OR1B1: variants seen among roughly 807,000 people sequenced by gnomAD.
The protein encoded by OR1B1 is olfactory receptor family 1 subfamily B member 1.
For missense variants in OR1B1, 414 were observed against 402.1 expected, an observed-to-expected ratio of 1.03 and a Z score of -0.25; for synonymous variants, 168 against 156.2, an observed-to-expected ratio of 1.08 and a Z score of -0.57.
chr9:122,628,285 A>T (rs1830159198), downstream of OR1B1, among the ~76,000 whole-genome samples: 1 of 152,212 alleles, frequency 6.6e-6, no homozygotes, highest in African/African-American at 2.4e-5. Context: ...ATATTCCCTC[A>T]GAACTCTAAA....
At chr9:122,647,482 C>T in the OR1B1 span, among the ~76,000 whole-genome samples, 12 of 151,844 alleles carry the variant, frequency 7.9e-5, no homozygotes, top group Admixed American at 7.2e-4. Context: ...CCTAATGATG[C>T]ATCTTAAAGA....
chr9:122,628,860 G>C (rs111620695), exon 1 of OR1B1: 5 of 1,613,918 alleles, frequency 3.1e-6, no homozygotes, highest in Non-Finnish European at 4.2e-6. Flanking sequence ...GCCCCAATTC[G>C]GACATAAGAG....
At chr9:122,641,998 G>A in the OR1B1 span, among the ~76,000 whole-genome samples, 2 of 152,078 alleles carry the variant, frequency 1.3e-5, no homozygotes, top group Non-Finnish European at 2.9e-5. Context: ...AGATTTTCAG[G>A]AAAAGAAGAA....
At chr9:122,648,000 G>A in the OR1B1 span, among the ~76,000 whole-genome samples, 2 of 151,926 alleles carry the variant, frequency 1.3e-5, no homozygotes, top group Non-Finnish European at 2.9e-5. Context: ...TTCACAATCA[G>A]TTAGCTAATG....
chr9:122,632,670 T>C (rs1366692356), upstream of OR1B1, among the ~76,000 whole-genome samples: 1 of 152,148 alleles, frequency 6.6e-6, no homozygotes, highest in Non-Finnish European at 1.5e-5. Flanking sequence ...GAACATTCAA[T>C]GTTTGGTTTT....
chr9:122,628,716 G>C, exon 1 of OR1B1: 1 of 1,613,768 alleles, frequency 6.2e-7, no homozygotes, highest in South Asian at 1.1e-5. Flanking sequence ...TCCTGATACT[G>C]AGAGTTCTGG....
At chr9:122,657,427 G>A in the OR1B1 span, among the ~76,000 whole-genome samples, 1 of 152,176 alleles carries the variant, frequency 6.6e-6, no homozygotes, top group Non-Finnish European at 1.5e-5. Context: ...TGACGCTACA[G>A]TCCATGTTGT....
chr9:122,629,244 G>A lies in OR1B1; in HGVS notation c.292C>T (p.Arg98Cys), dbSNP rs140947515. Residue 98 changes from arginine (R) to cysteine (C), a missense_variant, in exon 1 of 1, where the codon CGC becomes TGC. Physicochemically the swap from Arg to Cys is radical, Grantham distance 180. Coordinates refer to ENST00000623530, the Ensembl canonical transcript of OR1B1. ...AAGAAAAAGAACTGAGCCAAGCAGC[G>A]GGCAGCAGGAATGGTTGGGTAATGA... The A allele has an allele frequency of 1.0e-4, 162 of 1,613,918 alleles. 1 individual carries two copies. The Middle Eastern group carries it at 1.3e-3, about 13-fold the overall frequency.
At chr9:122,631,760 C>A (rs913967017), upstream of OR1B1, among the ~76,000 whole-genome samples, 1 of 152,002 alleles carries the variant, frequency 6.6e-6, no homozygotes, top group South Asian at 2.1e-4. Context: ...ACTCAAAAGG[C>A]TAAACTTTCA....
chr9:122,628,641 G>A, exon 1 of OR1B1: 1 of 1,613,986 alleles, frequency 6.2e-7, no homozygotes, highest in South Asian at 1.1e-5. Flanking sequence ...TCCTTATTGT[G>A]GAGGCTATAC....
chr9:122,634,352 AAAG>A (rs1280738375), upstream of OR1B1, among the ~76,000 whole-genome samples: 1 of 151,548 alleles, frequency 6.6e-6, no homozygotes. Context: ...AAAAAAAAGA[AAAG>A]AAAAAACAGA....
chr9:122,643,252 C>T, the OR1B1 span, among the ~76,000 whole-genome samples: 1 of 152,126 alleles, frequency 6.6e-6, no homozygotes, highest in Non-Finnish European at 1.5e-5. Flanking sequence ...CCCTCCCTGA[C>T]CCCCCAACAG....
At chr9:122,644,357 GGAA>G in the OR1B1 span, among the ~76,000 whole-genome samples, 4 of 152,244 alleles carry the variant, frequency 2.6e-5, no homozygotes, top group African/African-American at 7.2e-5. Context: ...GGTGGCCACA[GGAA>G]GAAGTTCCTC....
upstream of OR1B1, among the ~76,000 whole-genome samples, chr9:122,631,250 C>A (rs143234506): frequency 6.6e-6 from 1 of 151,802 alleles, no homozygotes; most frequent in Admixed American, 6.6e-5. Context: ...GATCTCGGCT[C>A]ACTGCAAGCT....
chr9:122,643,985 G>A, the OR1B1 span, among the ~76,000 whole-genome samples: 1 of 152,092 alleles, frequency 6.6e-6, no homozygotes, highest in African/African-American at 2.4e-5. Context: ...GTGGGCCTTG[G>A]GCTCTGAGAC....
chr9:122,633,521 G>C (rs1830225106), upstream of OR1B1, among the ~76,000 whole-genome samples: 1 of 152,174 alleles, frequency 6.6e-6, no homozygotes, highest in African/African-American at 2.4e-5. Flanking sequence ...GCAGCCAACA[G>C]ACTGGGAGAA....
upstream of OR1B1, among the ~76,000 whole-genome samples, chr9:122,631,420 G>A (rs1027601895): frequency 4.0e-5 from 6 of 149,246 alleles, no homozygotes; most frequent in East Asian, 2.0e-4. Context: ...CTCGTGATCC[G>A]CCCACCTCGG....
chr9:122,629,579 A>G (rs751292003), upstream of OR1B1: 1 of 1,246,074 alleles, frequency 8.0e-7, no homozygotes, highest in African/African-American at 1.5e-5. Flanking sequence ...AGTCAAAAAG[A>G]AAGTCATGGG....
At chr9:122,651,369 C>T in the OR1B1 span, among the ~76,000 whole-genome samples, 3 of 152,192 alleles carry the variant, frequency 2.0e-5, no homozygotes, top group Non-Finnish European at 4.4e-5. Flanking sequence ...TAATGTATTA[C>T]TGTTAACTAC....
Sources: allele counts gnomAD v4.1 joint callset (sites outside exome capture counted in the v4.1 genomes callset), GRCh38; gene constraint gnomAD v4.1.1; transcripts MANE v1.5; gene names NCBI Gene and HGNC (gene_info 2026-07-23, HGNC 2026-07-21).